C4orf50: variants seen among roughly 807,000 people sequenced by gnomAD.
C4orf50 encodes uncharacterized protein C4orf50.
C4orf50 carries 80 observed loss-of-function variants against 77.2 expected under a neutral mutation model. The ratio of observed to expected loss-of-function variants is 1.04; its 90% CI spans 0.87 to 1.25. The LOEUF (loss-of-function observed/expected upper bound fraction) is 1.25. Among genes scored for constraint, C4orf50 ranks in the 50% most tolerant of loss-of-function variants. C4orf50 has a pLI of 0.00. For missense variants in C4orf50, 1,257 were observed against 1,152.9 expected, an observed-to-expected ratio of 1.09 and a Z score of -1.31; for synonymous variants, 532 against 465.3, an observed-to-expected ratio of 1.14 and a Z score of -1.84.
intron 25 of C4orf50, among the ~76,000 whole-genome samples, chr4:5,996,190 G>A (rs1721581343): frequency 6.6e-6 from 1 of 152,226 alleles, no homozygotes; most frequent in South Asian, 2.1e-4. Flanking sequence ...TGCTCTCCCC[G>A]GCCTCTGCAC....
chr4:5,924,585 T>G (rs12505016), intron 7 of C4orf50, among the ~76,000 whole-genome samples: 3 of 151,962 alleles, frequency 2.0e-5, no homozygotes, highest in African/African-American at 7.2e-5. Flanking sequence ...TCCCTGGCTA[T>G]AGGGCCCTCA....
At chr4:5,982,418 C>T (rs16838008) in intron 28 of C4orf50, among the ~76,000 whole-genome samples, 23,983 of 152,170 alleles carry the variant, frequency 0.16, 1,947 homozygotes, top group East Asian at 0.21. Flanking sequence ...TGTACGCTGG[C>T]CTGAGATGGG....
intron 7 of C4orf50, chr4:5,898,451 A>G (rs12646172): frequency 0.38 from 58,175 of 151,642 alleles, 13,868 homozygotes; most frequent in East Asian, 0.74. Context: ...CACCTTACCC[A>G]CTGTTTCCAT....
intron 25 of C4orf50, among the ~76,000 whole-genome samples, chr4:5,994,930 C>T (rs1721499053): frequency 6.6e-6 from 1 of 152,136 alleles, no homozygotes; most frequent in African/African-American, 2.4e-5. Context: ...AGCGTGAACC[C>T]TATTGTGAAC....
Position 6,007,305 on chromosome 4 carries a change from G to C in C4orf50, c.963+691C>G, listed in dbSNP as rs1722287742. 6.6e-6 allele frequency among the ~76,000 whole-genome samples: 1 copy of C among 152,176 alleles called. No homozygotes were observed. Among genetic ancestry groups the C allele is most frequent in the Non-Finnish European group, 1.5e-5 (1 of 68,034 alleles). On this transcript the variant is annotated intron_variant, in intron 25 of 33. Transcript: ENST00000531445. This position sits in a 1 kb window ranked among gnomAD's most constrained non-coding sequence, Gnocchi z 4.1. ...CCTAATCCTCAATGTGAGGGTGTCA[G>C]GTGGTGGAGTCTTTGGGAGGTAATT... is the stretch of plus-strand genomic sequence containing the variant.
chr4:5,992,979 C>A lies in C4orf50; in HGVS notation c.1094-49G>T. On this transcript the variant is annotated intron_variant, in intron 26 of 33. Transcript: ENST00000531445. The surrounding 1 kb of genome is among the most constrained non-coding windows in gnomAD (Gnocchi z 5.0). ...GGTTACAAAGATGCTCCCAGGGGCTCTGCCATGATCGCCTCTAGGGACCAC... is the reference window on the plus strand; with the variant it reads ...GGTTACAAAGATGCTCCCAGGGGCTATGCCATGATCGCCTCTAGGGACCAC... 1.0e-5 allele frequency: 4 copies of A among 398,530 alleles called. No homozygotes were observed. The highest frequency in any genetic ancestry group is 1.3e-4 in the South Asian group (1 of 7,674). 24.7% of individuals were successfully genotyped at this position (398,530 alleles called of 1,614,324 possible). A position where few individuals can be genotyped will look rare whatever the true frequency, so the allele number is the denominator to read the frequency against.
intron 7 of C4orf50, among the ~76,000 whole-genome samples, chr4:5,906,659 G>A (rs773617523): frequency 1.3e-5 from 2 of 152,184 alleles, no homozygotes; most frequent in Non-Finnish European, 2.9e-5. Context: ...AATGCTAAGG[G>A]TCTCAGAACT....
chr4:6,006,722 AC>A (rs1722265101), intron 25 of C4orf50, among the ~76,000 whole-genome samples: 1 of 152,210 alleles, frequency 6.6e-6, no homozygotes, highest in Non-Finnish European at 1.5e-5. Context: ...CCAAGGTCAC[AC>A]AGCGAGTAAA....
In C4orf50 at chr4:5,992,990, G is replaced by A. The variant is rs944601814; in HGVS notation, c.1094-60C>T. ...TGCTCCCAGGGGCTCTGCCATGATC[G>A]CCTCTAGGGACCACGTCCCCCAGGC... On this transcript the variant is annotated intron_variant, in intron 26 of 33. Coordinates refer to ENST00000531445, the Ensembl canonical transcript of C4orf50. This position sits in a 1 kb window ranked among gnomAD's most constrained non-coding sequence, Gnocchi z 5.0. 22 of 397,584 alleles carry A rather than the reference G, an allele frequency of 5.5e-5. No individual in the cohort carries two copies. Among genetic ancestry groups the A allele is most frequent in the African/African-American group, 4.1e-4 (20 of 48,494 alleles). The allele number at this position is 397,584 out of a possible 1,614,324, so 24.6% of individuals were successfully genotyped here. A position where few individuals can be genotyped will look rare whatever the true frequency, so the allele number is the denominator to read the frequency against.
intron 31 of C4orf50, among the ~76,000 whole-genome samples, chr4:5,971,404 C>G (rs1719902923): frequency 6.6e-6 from 1 of 152,206 alleles, no homozygotes; most frequent in Non-Finnish European, 1.5e-5. Context: ...TCCCATCAGC[C>G]CAGCCTCCCC....
rs576946722 is a variant in C4orf50, at chr4:5,989,559, G to C, written c.2487C>G (p.Cys829Trp). ...TCTCTCCCCTACATGCAGAGGCTGA[G>C]CACTGCCAGCCCCTGCTGCCCGGCT... is the stretch of plus-strand genomic sequence containing the variant. The change falls in exon 28 of 34, where the codon TGC becomes TGG. Residue 829 changes from cysteine (C) to tryptophan (W), a missense_variant. Cys to Trp is a radical substitution (Grantham distance 215). Transcript: ENST00000531445. 6.5e-6 allele frequency: 10 copies of C among 1,536,130 alleles called. No homozygotes were observed. In the South Asian group the frequency reaches 1.2e-4, roughly 18 times the overall value.
rs1039072445 is a variant in C4orf50 at position 5,976,413 on chromosome 4, G to A, written c.3865-458C>T. On this transcript the variant is annotated intron_variant, in intron 29 of 33. Transcript: ENST00000531445. Reference sequence around the variant, plus strand: ...GGAGCTTGCAGTGAGCCGAGATTGCGCCACTGCGCTCCAGCCTGGGCGAGA... The same window carrying A: ...GGAGCTTGCAGTGAGCCGAGATTGCACCACTGCGCTCCAGCCTGGGCGAGA... Among the ~76,000 whole-genome samples the A allele has an allele frequency of 6.2e-5, 9 of 144,764 alleles. No individual in the cohort carries two copies. The East Asian group carries it at 6.4e-4, about 10-fold the overall frequency. 95.0% of individuals were successfully genotyped at this position (144,764 alleles called of 152,430 possible). A position where few individuals can be genotyped will look rare whatever the true frequency, so the allele number is the denominator to read the frequency against.
In C4orf50 at chr4:6,000,023, G is replaced by A. The variant is rs771367913; in HGVS notation, c.964-5547C>T. Reference sequence around the variant, plus strand: ...GGGGCCTTGAATGCCGTGGATAGGAGGTTGAACTTGATCCTGAGGCCGTGG... The same window carrying A: ...GGGGCCTTGAATGCCGTGGATAGGAAGTTGAACTTGATCCTGAGGCCGTGG... On this transcript the variant is annotated intron_variant, in intron 25 of 33. Transcript: ENST00000531445. This position sits in a 1 kb window ranked among gnomAD's most constrained non-coding sequence, Gnocchi z 6.0. 1.3e-5 allele frequency among the ~76,000 whole-genome samples: 2 copies of A among 152,090 alleles called. No homozygotes were observed. Among genetic ancestry groups the A allele is most frequent in the Non-Finnish European group, 1.5e-5 (1 of 68,020 alleles).
chr4:5,988,728 C>A, exon 28 of C4orf50: 1 of 1,536,150 alleles, frequency 6.5e-7, no homozygotes. Context: ...CCGTGCTCCT[C>A]TGCAAGGTGA....
rs533075967 is a variant in C4orf50 at position 5,952,008 on chromosome 4, A to T, written c.*2474+4893T>A. Reference sequence around the variant, plus strand: ...TCTCATCTAACAGAATTTGCACTACAGACAGTGAGATAAAATAAAATATGT... The same window carrying T: ...TCTCATCTAACAGAATTTGCACTACTGACAGTGAGATAAAATAAAATATGT... On this transcript the variant is annotated intron_variant, in intron 7 of 7. Transcript: ENST00000324058. This position sits in a 1 kb window ranked among gnomAD's most constrained non-coding sequence, Gnocchi z 4.4. 2.0e-5 allele frequency among the ~76,000 whole-genome samples: 3 copies of T among 152,366 alleles called. No homozygotes were observed. In the South Asian group the frequency reaches 6.2e-4, roughly 32 times the overall value.
At chr4:5,974,448 C>T (rs1168476098) in intron 30 of C4orf50, among the ~76,000 whole-genome samples, 3 of 116,526 alleles carry the variant, frequency 2.6e-5, no homozygotes, top group Non-Finnish European at 5.6e-5. Flanking sequence ...ATTTTACGGG[C>T]GCCAACTCGA....
In C4orf50 at chr4:6,004,838, A is replaced by ATGG. The variant is rs1560600009; in HGVS notation, c.963+3155_963+3157dup. Among the ~76,000 whole-genome samples the ATGG allele has an allele frequency of 1.7e-4, 26 of 150,284 alleles. No individual in the cohort carries two copies. The East Asian group carries it at 4.0e-3, about 23-fold the overall frequency. Reference sequence around the variant, plus strand: ...TGATGATGGTGATAGTGATGATGTGATGGTGATGGTGATGGTGGTGATGAT... The same window carrying ATGG: ...TGATGATGGTGATAGTGATGATGTGATGGTGGTGATGGTGATGGTGGTGATGAT... On this transcript the variant is annotated intron_variant, in intron 25 of 33. Transcript: ENST00000531445.
chr4:5,999,395 C>T (rs1273801473), intron 25 of C4orf50, among the ~76,000 whole-genome samples: 4 of 152,140 alleles, frequency 2.6e-5, no homozygotes, highest in African/African-American at 9.7e-5. Flanking sequence ...AACACATTAC[C>T]ACGCTGGGCA....
intron 25 of C4orf50, among the ~76,000 whole-genome samples, chr4:5,997,737 C>T (rs530494055): frequency 6.6e-6 from 1 of 152,150 alleles, no homozygotes; most frequent in African/African-American, 2.4e-5. Flanking sequence ...TTTTCTATGC[C>T]TAGACATTTT....
Sources: gnomAD v4.1 joint callset for allele counts (sites outside exome capture counted in the v4.1 genomes callset) on GRCh38, gnomAD v4.1.1 for gene constraint, Gnocchi (gnomAD v3.1) non-coding constraint, MANE v1.5 for transcripts, NCBI Gene and HGNC (gene_info 2026-07-23, HGNC 2026-07-21) for gene names.